SLC24A4: variants seen among roughly 807,000 people sequenced by gnomAD.
SLC24A4 encodes the protein solute carrier family 24 member 4, also known as sodium/potassium/calcium exchanger 4.
Under a neutral mutation model 79.0 loss-of-function variants are expected in SLC24A4, and 53 were observed. The ratio of observed to expected loss-of-function variants is 0.67; its 90% CI spans 0.54 to 0.84. SLC24A4 has a LOEUF of 0.84. SLC24A4 is among the 40% of genes least tolerant of loss of function. The pLI, the probability that SLC24A4 is intolerant of heterozygous loss-of-function variation, is 0.00. For synonymous variants in SLC24A4, 323 were observed against 323.8 expected, an observed-to-expected ratio of 1.00 and a Z score of 0.03; for missense variants, 731 against 822.0, an observed-to-expected ratio of 0.89 and a Z score of 1.35.
intron 2 of SLC24A4, among the ~76,000 whole-genome samples, chr14:92,362,593 A>G (rs1419361385): frequency 6.6e-6 from 1 of 152,122 alleles, no homozygotes; most frequent in Non-Finnish European, 1.5e-5. Flanking sequence ...CATGGAAGAG[A>G]TGGCTTCTAG....
At position 92,441,005 on chromosome 14, in the gene SLC24A4, C is replaced by T. The variant is rs114936498; in HGVS notation, c.394-1084C>T. 0.039 allele frequency among the ~76,000 whole-genome samples: 5,932 copies of T among 152,094 alleles called. 369 individuals carry two copies. The highest frequency in any genetic ancestry group is 0.13 in the African/African-American group (5,318 of 41,450). On this transcript the variant is annotated intron_variant, in intron 4 of 16. Coordinates refer to ENST00000532405, the MANE Select transcript of SLC24A4 (RefSeq NM_153646.4). The surrounding 1 kb of genome is among the most constrained non-coding windows in gnomAD (Gnocchi z 4.6). The stretch of plus-strand genomic sequence containing the variant: ...GGTGGCAGAGCCTCTTCTGTGGAAC[C>T]GTGCTTTTTGGCAGGGTTAAGGTGG...
intron 2 of SLC24A4, among the ~76,000 whole-genome samples, chr14:92,418,031 G>A (rs1891076218): frequency 6.6e-6 from 1 of 152,226 alleles, no homozygotes; most frequent in African/African-American, 2.4e-5. Context: ...TACAGAAGGA[G>A]AAGCTGTTCC....
chr14:92,443,613 G>GTGAC, intron 7 of SLC24A4, 139 bp downstream of exon 7: 7 of 879,702 alleles, frequency 8.0e-6, no homozygotes, highest in African/African-American at 1.6e-5. Context: ...GCCACTCACT[G>GTGAC]CGGTCACAGT....
At chr14:92,369,685 C>T (rs1217860505) in intron 2 of SLC24A4, among the ~76,000 whole-genome samples, 5 of 152,140 alleles carry the variant, frequency 3.3e-5, no homozygotes, top group East Asian at 3.8e-4. Context: ...TTGACTTGGG[C>T]GCCACTGACA....
chr14:92,429,969 C>T (rs761765697), intron 2 of SLC24A4, among the ~76,000 whole-genome samples: 22 of 152,228 alleles, frequency 1.4e-4, no homozygotes, highest in Non-Finnish European at 2.5e-4. Context: ...TCCACACCAT[C>T]GCAATAAGCT....
chr14:92,484,302 G>C, intron 13 of SLC24A4: 1 of 985,352 alleles, frequency 1.0e-6, no homozygotes, highest in Non-Finnish European at 1.2e-6. Flanking sequence ...GCTGATCAGA[G>C]ACCTGCCGCA....
chr14:92,456,135 C>G lies in SLC24A4; in HGVS notation c.1051-269C>G, dbSNP rs140414743. Among the ~76,000 whole-genome samples the G allele has an allele frequency of 4.2e-4, 64 of 152,344 alleles. 1 individual carries two copies. The East Asian group carries it at 0.012, about 28-fold the overall frequency. On this transcript the variant is annotated intron_variant, in intron 11 of 16. Coordinates refer to ENST00000532405, the MANE Select transcript of SLC24A4 (RefSeq NM_153646.4). ...CCCGAATGATGGCTGTCACCAGGGC[C>G]GTGGGCTGGGTTGTCGAGCTGGCAG... is the stretch of plus-strand genomic sequence containing the variant.
At position 92,493,055 on chromosome 14, in the gene SLC24A4, T is replaced by G. The variant is rs1363686421; in HGVS notation, c.1717-421T>G. 1.6e-5 allele frequency: 6 copies of G among 374,562 alleles called. No homozygotes were observed. The Admixed American group carries it at 2.0e-4, about 13-fold the overall frequency. 23.2% of individuals were successfully genotyped at this position (374,562 alleles called of 1,614,324 possible). The stretch of plus-strand genomic sequence containing the variant: ...GCCCAGCCAGGGGTCCATAGGAGCC[T>G]TGGAAATTGTGCTAAGGAGACAAGG... On this transcript the variant is annotated intron_variant, in intron 16 of 16. Coordinates refer to ENST00000532405, the MANE Select transcript of SLC24A4 (RefSeq NM_153646.4).
chr14:92,446,662 A>G (rs1892813639), intron 8 of SLC24A4, among the ~76,000 whole-genome samples: 1 of 152,202 alleles, frequency 6.6e-6, no homozygotes, highest in African/African-American at 2.4e-5. Context: ...TTAGCAAAGG[A>G]AGAGCTCCCA....
At chr14:92,424,988 G>A (rs975920945) in intron 2 of SLC24A4, among the ~76,000 whole-genome samples, 6 of 152,296 alleles carry the variant, frequency 3.9e-5, no homozygotes, top group East Asian at 1.9e-4. Context: ...CTGCCCCCAT[G>A]ACCCAAACAC....
At chr14:92,477,897 C>G (rs963609589) in intron 12 of SLC24A4, among the ~76,000 whole-genome samples, 1 of 150,932 alleles carries the variant, frequency 6.6e-6, no homozygotes, top group Non-Finnish European at 1.5e-5. Flanking sequence ...ATCCTCATTC[C>G]ATTCCATTCC....
chr14:92,371,638 C>G (rs942358619), intron 2 of SLC24A4, among the ~76,000 whole-genome samples: 1 of 152,212 alleles, frequency 6.6e-6, no homozygotes, highest in African/African-American at 2.4e-5. Flanking sequence ...CGGGACCCCT[C>G]TCTACAACAC....
chr14:92,456,981 G>T (rs149562368), intron 12 of SLC24A4, among the ~76,000 whole-genome samples: 11 of 152,330 alleles, frequency 7.2e-5, no homozygotes, highest in African/African-American at 2.6e-4. Flanking sequence ...CACTCTCTTG[G>T]CCCTTGCAGC....
At chr14:92,404,891 C>T (rs1016874478) in intron 2 of SLC24A4, among the ~76,000 whole-genome samples, 5 of 151,896 alleles carry the variant, frequency 3.3e-5, no homozygotes, top group Non-Finnish European at 5.9e-5. Context: ...CTAGTCCTGG[C>T]ACATAATAGG....
intron 14 of SLC24A4, among the ~76,000 whole-genome samples, chr14:92,489,525 A>T (rs1895558470): frequency 6.6e-6 from 1 of 152,124 alleles, no homozygotes; most frequent in African/African-American, 2.4e-5. Context: ...CACGTGCTCT[A>T]ACCCGAGGCA....
chr14:92,424,874 T>G (rs544822203), intron 2 of SLC24A4, among the ~76,000 whole-genome samples: 93 of 102,622 alleles, frequency 9.1e-4, no homozygotes, highest in African/African-American at 2.9e-3. Flanking sequence ...AGAGCAAGAC[T>G]CCGTCTCAAA....
intron 2 of SLC24A4, 89 bp downstream of exon 2, chr14:92,326,067 T>A: frequency 1.1e-6 from 1 of 887,724 alleles, no homozygotes; most frequent in Non-Finnish European, 1.8e-6. Context: ...CAGCCAGAGC[T>A]GAGAAAGGTG....
intron 4 of SLC24A4, among the ~76,000 whole-genome samples, chr14:92,440,781 T>A (rs910566382): frequency 6.6e-6 from 1 of 150,818 alleles, no homozygotes; most frequent in Non-Finnish European, 1.5e-5. Flanking sequence ...GGGGGAGAAA[T>A]CTGGGAAGGC....
chr14:92,406,404 G>A (rs1890379040), intron 2 of SLC24A4, among the ~76,000 whole-genome samples: 1 of 152,202 alleles, frequency 6.6e-6, no homozygotes, highest in African/African-American at 2.4e-5. Flanking sequence ...ACTAGGTAGT[G>A]CTCCAGTTTG....
Sources: allele counts gnomAD v4.1 joint callset (sites outside exome capture counted in the v4.1 genomes callset), GRCh38; gene constraint gnomAD v4.1.1; non-coding constraint Gnocchi (gnomAD v3.1); transcripts MANE v1.5; gene names NCBI Gene and HGNC (gene_info 2026-07-23, HGNC 2026-07-21).